The following RPL6 variants were observed in gnomAD, a reference collection of about 807,000 sequenced individuals.
RPL6 encodes large ribosomal subunit protein eL6.
In RPL6, 1 loss-of-function variant was observed where a neutral mutation model predicts 32.1. The ratio of observed to expected loss-of-function variants is 0.03; its 90% CI spans 0.01 to 0.15. The LOEUF is 0.15. Ranked by LOEUF, RPL6 falls within the 10% of genes least tolerant of loss-of-function variation. The pLI, the probability that RPL6 is intolerant of heterozygous loss-of-function variation, is 1.00. For missense variants in RPL6, 275 were observed against 354.6 expected (o/e 0.78, Z 1.80); for synonymous variants, 126 against 131.6 (o/e 0.96, Z 0.29).
At chr12:112,407,482 C>CA (rs1257991999) in intron 3 of RPL6, 1 of 152,850 alleles carries the variant, frequency 6.5e-6, no homozygotes, top group African/African-American at 2.4e-5. Context: ...CAAACATGAT[C>CA]ACCTAATGGG....
At chr12:112,408,748 TC>T in intron 1 of RPL6, 92 bp from the exon 2 acceptor site, 3 of 1,091,470 alleles carry the variant, frequency 2.7e-6, no homozygotes, top group Non-Finnish European at 3.9e-6. Flanking sequence ...TGGGCTGGGC[TC>T]CCCAGACTAC....
chr12:112,406,639 G>A, intron 4 of RPL6, 108 bp downstream of exon 4: 1 of 1,400,058 alleles, frequency 7.1e-7, no homozygotes, highest in Non-Finnish European at 9.6e-7. Context: ...ATTTCCCCTT[G>A]CCCCAAACAT....
At chr12:112,413,399 A>T (rs1476757095), upstream of RPL6, among the ~76,000 whole-genome samples, 1 of 151,990 alleles carries the variant, frequency 6.6e-6, no homozygotes, top group Non-Finnish European at 1.5e-5. Context: ...TTAGCCGGGC[A>T]TGGTGGCGGG....
chr12:112,410,315 CT>C, upstream of RPL6: 2 of 294,056 alleles, frequency 6.8e-6, no homozygotes, highest in South Asian at 3.8e-5. Flanking sequence ...CCCCTCTTCC[CT>C]TACCTTGGAT....
intron 1 of RPL6, among the ~76,000 whole-genome samples, chr12:112,417,618 G>T (rs2037433205): frequency 7.4e-6 from 1 of 135,476 alleles, no homozygotes; most frequent in Non-Finnish European, 1.5e-5. Context: ...TGTTGCCCAG[G>T]CTGGTCTTGA....
rs1243025815 is a variant in RPL6, at chr12:112,408,311, G to T, written c.265C>A (p.Leu89Ile). 6.2e-7 allele frequency: 1 copy of T among 1,614,220 alleles called. No individual in the cohort carries two copies. The highest frequency in any genetic ancestry group is 8.5e-7 in the Non-Finnish European group (1 of 1,180,052). Residue 89 changes from leucine (L) to isoleucine (I), a missense_variant, in exon 3 of 7, where the codon CTC becomes ATC. Transcript: ENST00000202773. ...CCAACTGGTTTTGTAACAGTTGCGA[G>T]AACCTTCTCCTTCTTTTTCTTTTCA... The part of the protein sequence containing the change: ...KVEKKKKEKV[L>I]ATVTKPVGGD...
chr12:112,408,098 G>A (rs2037231492), intron 3 of RPL6, 142 bp downstream of exon 3: 3 of 637,122 alleles, frequency 4.7e-6, no homozygotes, highest in East Asian at 5.4e-5. Context: ...AAATGTTGAA[G>A]CCAAGTTACA....
chr12:112,413,852 C>T (rs1011308507), upstream of RPL6, among the ~76,000 whole-genome samples: 17 of 149,892 alleles, frequency 1.1e-4, no homozygotes, highest in African/African-American at 4.2e-4. Context: ...ATGGCAAAAC[C>T]CTGTCTGTAT....
chr12:112,409,282 G>A (rs1309625315), intron 1 of RPL6: 1 of 391,088 alleles, frequency 2.6e-6, no homozygotes, highest in Non-Finnish European at 4.5e-6. Flanking sequence ...CAGGAACACA[G>A]TGCACGCGCC....
At chr12:112,416,755 T>C (rs1464311530) in intron 1 of RPL6, among the ~76,000 whole-genome samples, 3 of 152,354 alleles carry the variant, frequency 2.0e-5, no homozygotes, top group South Asian at 4.1e-4. Context: ...CTGGCTACTA[T>C]GTGGAGATTG....
intron 1 of RPL6, chr12:112,409,342 G>A (rs1460428473): frequency 2.5e-6 from 1 of 395,544 alleles, no homozygotes; most frequent in Non-Finnish European, 4.5e-6. Context: ...GTCCCCGAAA[G>A]GGCCTCGTTC....
chr12:112,406,091 C>A lies in RPL6; in HGVS notation c.530-54G>T, dbSNP rs139114592. 10 of 1,469,762 alleles carry A rather than the reference C, an allele frequency of 6.8e-6. No homozygotes were observed. The East Asian group carries it at 9.1e-5, about 13-fold the overall frequency. 91.0% of individuals were successfully genotyped at this position (1,469,762 alleles called of 1,614,324 possible). ...AAAAGGGGGAAGAATCATCATCCTG[C>A]AATTTAGGTGACCATTACTTGTTAT... On this transcript the variant is annotated intron_variant, in intron 5 of 6. Transcript: ENST00000202773.
chr12:112,406,818 C>A lies in RPL6; in HGVS notation c.409G>T (p.Val137Leu). Residue 137 changes from valine to leucine, a missense_variant, in exon 4 of 7, where the codon GTG becomes TTG. Transcript: ENST00000202773. Reference sequence around the variant, plus strand: ...GTAATGCTGGCTCGCAGTTTTCTCACGTGCTGACTGAAGGGTTTTTTGCCG... The same window carrying A: ...GTAATGCTGGCTCGCAGTTTTCTCAAGTGCTGACTGAAGGGTTTTTTGCCG... Reference protein sequence around the residue: ...SHGKKPFSQHVRKLRASITPG... With the variant: ...SHGKKPFSQHLRKLRASITPG... The A allele has an allele frequency of 1.2e-6, 2 of 1,614,212 alleles. No individual in the cohort carries two copies. The highest frequency in any genetic ancestry group is 8.5e-7 in the Non-Finnish European group (1 of 1,180,032).
At chr12:112,411,721 T>C (rs754787846), upstream of RPL6, among the ~76,000 whole-genome samples, 3 of 152,206 alleles carry the variant, frequency 2.0e-5, no homozygotes, top group Non-Finnish European at 4.4e-5. Context: ...TCTTGTGTTT[T>C]GTTGCGGTAT....
intron 2 of RPL6, 30 bp from the exon 3 acceptor site, chr12:112,408,368 G>A (rs1319591855): frequency 6.2e-7 from 1 of 1,613,576 alleles, no homozygotes; most frequent in South Asian, 1.1e-5. Flanking sequence ...TCAACAGTAA[G>A]AGAATGCCAA....
chr12:112,414,871 C>G (rs915657211), upstream of RPL6, among the ~76,000 whole-genome samples: 3 of 151,854 alleles, frequency 2.0e-5, no homozygotes, highest in Non-Finnish European at 2.9e-5. Flanking sequence ...CGCCACTGCA[C>G]TCCAGCCTGG....
At chr12:112,417,300 T>G (rs759241435) in intron 1 of RPL6, among the ~76,000 whole-genome samples, 3 of 151,092 alleles carry the variant, frequency 2.0e-5, no homozygotes, top group Non-Finnish European at 4.4e-5. Flanking sequence ...TCAAGTGATC[T>G]GCTCTCCTTG....
rs769574528 is a variant in RPL6 at position 112,408,580 on chromosome 12, T to C, written c.77A>G (p.Lys26Arg). ...PEAKKVDAGGKVKKGNLKAKK... is the reference protein window; with the variant it reads ...PEAKKVDAGGRVKKGNLKAKK... ...AGCTTTGAGGTTACCCTTTTTCACC[T>C]TGCCACCAGCATCAACCTTCTTGGC... Residue 26 changes from lysine to arginine, a missense_variant, in exon 2 of 7, where the codon AAG becomes AGG. By Grantham distance (26) the Lys-to-Arg change is conservative. Coordinates refer to ENST00000202773, the MANE Select transcript of RPL6 (RefSeq NM_000970.6). The C allele has an allele frequency of 1.2e-6, 2 of 1,602,904 alleles. No homozygotes were observed. The highest frequency in any genetic ancestry group is 8.5e-7 in the Non-Finnish European group (1 of 1,178,932).
chr12:112,413,259 G>A (rs1304339468), upstream of RPL6, among the ~76,000 whole-genome samples: 3 of 152,142 alleles, frequency 2.0e-5, no homozygotes, highest in South Asian at 2.1e-4. Flanking sequence ...GGAGTTGGCC[G>A]GGTGCGGTGG....
Sources: gnomAD v4.1 joint callset for allele counts (sites outside exome capture counted in the v4.1 genomes callset) on GRCh38, gnomAD v4.1.1 for gene constraint, MANE v1.5 for transcripts, NCBI Gene and HGNC (gene_info 2026-07-23, HGNC 2026-07-21) for gene names.